The following NUP43 variants were observed in gnomAD, a reference collection of about 807,000 sequenced individuals.
NUP43 encodes nucleoporin Nup43.
Under a neutral mutation model 47.3 loss-of-function variants are expected in NUP43, and 32 were observed. The observed-to-expected ratio is 0.68, with a 90% CI of 0.51 to 0.91. The LOEUF (loss-of-function observed/expected upper bound fraction) is 0.91, where lower values mean the gene tolerates loss of function less well. NUP43 is among the 40% of genes least tolerant of loss of function. The pLI is 0.00. For missense variants in NUP43, 444 were observed against 453.9 expected (o/e 0.98, Z 0.20); for synonymous variants, 147 against 158.4 (o/e 0.93, Z 0.54).
intron 3 of NUP43, among the ~76,000 whole-genome samples, 160 bp downstream of exon 3, chr6:149,743,478 C>T (rs907658536): frequency 2.6e-5 from 4 of 152,026 alleles, no homozygotes; most frequent in South Asian, 2.1e-4. Context: ...GCCTGTAATC[C>T]CAGCTACTTG....
At chr6:149,747,143 G>A (rs987744752), upstream of NUP43, among the ~76,000 whole-genome samples, 32 of 152,132 alleles carry the variant, frequency 2.1e-4, no homozygotes, top group Admixed American at 1.8e-3. Flanking sequence ...AGTTTTCTAG[G>A]TTCCTTCTGT....
At chr6:149,736,700 T>C in intron 5 of NUP43, 78 bp from the exon 6 acceptor site, 16 of 1,347,096 alleles carry the variant, frequency 1.2e-5, no homozygotes, top group Non-Finnish European at 1.5e-5. Flanking sequence ...AACACGTTTT[T>C]TGTTTGTTTT....
At chr6:149,737,432 G>A (rs867830949) in intron 5 of NUP43, among the ~76,000 whole-genome samples, 10 of 151,974 alleles carry the variant, frequency 6.6e-5, no homozygotes, top group African/African-American at 2.4e-4. Flanking sequence ...ACATGCTACC[G>A]TGCCAGGCTA....
Position 149,745,924 on chromosome 6 carries a change from T to C in NUP43, c.243+16A>G, listed in dbSNP as rs1785966352. ...AGGACTTTCAAAGTTAGCTTTTGGA[T>C]GCTACACAGATTTACCTGTAAATCC... On this transcript the variant is annotated intron_variant, in intron 2 of 7. Transcript: ENST00000340413. 6.3e-7 allele frequency: 1 copy of C among 1,597,274 alleles called. No homozygotes were observed. Among genetic ancestry groups the C allele is most frequent in the Non-Finnish European group, 8.5e-7 (1 of 1,174,052 alleles).
intron 6 of NUP43, among the ~76,000 whole-genome samples, chr6:149,732,849 A>G (rs114793073): frequency 0.011 from 1,639 of 152,252 alleles, 38 homozygotes; most frequent in African/African-American, 0.038. Flanking sequence ...ACGTCTCAAA[A>G]AAAAGAAAAG....
chr6:149,729,084 G>A (rs552735491), intron 7 of NUP43, among the ~76,000 whole-genome samples: 10 of 151,960 alleles, frequency 6.6e-5, no homozygotes, highest in Admixed American at 2.0e-4. Context: ...TCCAACTCCC[G>A]GGTTCAAGCA....
At chr6:149,732,682 C>T (rs1473907362) in intron 6 of NUP43, among the ~76,000 whole-genome samples, 1 of 150,168 alleles carries the variant, frequency 6.7e-6, no homozygotes, top group African/African-American at 2.5e-5. Flanking sequence ...CCATCTCTAC[C>T]AAAAATACAA....
chr6:149,736,316 G>A (rs1785353536), intron 6 of NUP43, among the ~76,000 whole-genome samples, 155 bp downstream of exon 6: 3 of 151,946 alleles, frequency 2.0e-5, no homozygotes, highest in South Asian at 2.1e-4. Flanking sequence ...CTTAAATGTC[G>A]AGTAAAAAGA....
At chr6:149,746,329 C>A in intron 1 of NUP43, 47 bp downstream of exon 1, 1 of 1,603,802 alleles carries the variant, frequency 6.2e-7, no homozygotes, top group Non-Finnish European at 8.5e-7. Context: ...GTCAGCTCAA[C>A]CGGAGAGAGG....
In NUP43 at chr6:149,736,622, C is replaced by T; in HGVS notation, c.639G>A (p.Leu213=). 6.3e-7 allele frequency: 1 copy of T among 1,575,832 alleles called. No individual in the cohort carries two copies. The highest frequency in any genetic ancestry group is 8.7e-7 in the Non-Finnish European group (1 of 1,150,172). Residue 213 remains leucine (L), a splice_region_variant and synonymous_variant, in exon 6 of 8, where the codon CTG becomes CTA. Transcript: ENST00000340413. The part of the protein sequence containing the change: ...QGNEPSQILS[L]TGDRVPLHCV... ...AGTGGAGTGGCACTCGGTCACCAGTCCTTTTGTGGGAGATAACAATGACGT... is the reference window on the plus strand; with the variant it reads ...AGTGGAGTGGCACTCGGTCACCAGTTCTTTTGTGGGAGATAACAATGACGT...
chr6:149,748,772 G>A (rs1786159484), upstream of NUP43, among the ~76,000 whole-genome samples: 1 of 139,188 alleles, frequency 7.2e-6, no homozygotes, highest in Non-Finnish European at 1.5e-5. Flanking sequence ...TCGCGCCACT[G>A]CACTCCAGTC....
intron 7 of NUP43, 157 bp downstream of exon 7, chr6:149,731,456 G>A (rs921927019): frequency 8.9e-5 from 49 of 547,758 alleles, no homozygotes; most frequent in African/African-American, 6.8e-4. Flanking sequence ...CTGGCTACTC[G>A]GGAGGCTGAG....
In NUP43 at chr6:149,726,608, C is replaced by T. The variant is rs1367813819; in HGVS notation, c.*361G>A. 10 of 263,004 alleles carry T rather than the reference C, an allele frequency of 3.8e-5. No individual in the cohort carries two copies. The highest frequency in any genetic ancestry group is 1.5e-4 in the Admixed American group (3 of 20,482). The allele number at this position is 263,004 out of a possible 1,614,324, so 16.3% of individuals were successfully genotyped here. A position where few individuals can be genotyped will look rare whatever the true frequency, so the allele number is the denominator to read the frequency against. ...ATACTACTGATAAAAATTGTAGGAACCCATTGGTAGTTCCCATAACCACCA... is the reference window on the plus strand; with the variant it reads ...ATACTACTGATAAAAATTGTAGGAATCCATTGGTAGTTCCCATAACCACCA... On this transcript the variant is annotated 3_prime_UTR_variant, in exon 8 of 8. Transcript: ENST00000340413.
At position 149,743,571 on chromosome 6, in the gene NUP43, C is replaced by G. The variant is rs959414402; in HGVS notation, c.321+67G>C. 3 of 991,122 alleles carry G rather than the reference C, an allele frequency of 3.0e-6. No individual in the cohort carries two copies. The Admixed American group carries it at 6.0e-5, about 20-fold the overall frequency. The allele number at this position is 991,122 out of a possible 1,614,324, so 61.4% of individuals were successfully genotyped here. The stretch of plus-strand genomic sequence containing the variant: ...GACTGCGCCACTGCACTCCAGTGCG[C>G]GGGCAACAAGAGCAAAACTCCATTT... On this transcript the variant is annotated intron_variant, in intron 3 of 7. Transcript: ENST00000340413.
intron 6 of NUP43, 95 bp downstream of exon 6, chr6:149,736,376 T>C: frequency 1.3e-6 from 1 of 775,058 alleles, no homozygotes; most frequent in Non-Finnish European, 1.9e-6. Context: ...AAAGCTATGA[T>C]GTAAAATGAT....
rs746642335 is a variant in NUP43, at chr6:149,731,744, C to T, written c.791-9G>A. 6.2e-7 allele frequency: 1 copy of T among 1,613,016 alleles called. No homozygotes were observed. The highest frequency in any genetic ancestry group is 8.5e-7 in the Non-Finnish European group (1 of 1,179,574). On this transcript the variant is annotated splice_polypyrimidine_tract_variant and intron_variant, in intron 6 of 7. Transcript: ENST00000340413. ...AAAGTGAACTTCCCACACTAAGAGA[C>T]AAGAATCAATAAGCTCATTCCTGTG...
At chr6:149,742,606 G>C in intron 3 of NUP43, 36 bp from the exon 4 acceptor site, 1 of 1,533,950 alleles carries the variant, frequency 6.5e-7, no homozygotes, top group Non-Finnish European at 9.0e-7. Flanking sequence ...TTAAAGCAAA[G>C]TACTAAGGAA....
intron 5 of NUP43, 52 bp downstream of exon 5, chr6:149,738,591 C>T: frequency 7.4e-7 from 1 of 1,356,706 alleles, no homozygotes; most frequent in Non-Finnish European, 9.9e-7. Flanking sequence ...TATAAACAAC[C>T]TAACACATTA....
intron 4 of NUP43, among the ~76,000 whole-genome samples, chr6:149,741,731 G>A (rs943405529): frequency 6.6e-6 from 1 of 152,010 alleles, no homozygotes; most frequent in Non-Finnish European, 1.5e-5. Flanking sequence ...GATCTTGATC[G>A]CTTGACCTTG....
Sources: allele counts gnomAD v4.1 joint callset (sites outside exome capture counted in the v4.1 genomes callset), GRCh38; gene constraint gnomAD v4.1.1; transcripts MANE v1.5; gene names NCBI Gene and HGNC (gene_info 2026-07-23, HGNC 2026-07-21).